KAZN: variants seen among roughly 807,000 people sequenced by gnomAD.
KAZN encodes kazrin, periplakin interacting protein, also known as kazrin.
KAZN carries 40 observed loss-of-function variants against 87.4 expected under a neutral mutation model. The observed-to-expected ratio is 0.46, with a 90% CI of 0.36 to 0.60. KAZN has a LOEUF of 0.60. KAZN is among the 20% of genes least tolerant of loss of function. The pLI is 0.00. For synonymous variants in KAZN, 466 were observed against 458.3 expected (o/e 1.02, Z -0.22); for missense variants, 898 against 1,073.9 (o/e 0.84, Z 2.29).
At chr1:14,133,440 A>G (rs1311282313) in intron 1 of KAZN, among the ~76,000 whole-genome samples, 1 of 149,782 alleles carries the variant, frequency 6.7e-6, no homozygotes. Context: ...AAAGAAAGAA[A>G]ATAGGGGAAT....
In KAZN at chr1:14,910,493, A is replaced by G. The variant is rs566322615; in HGVS notation, c.227-50191A>G. ...TTCTGTGCACCCACTAGATGCCAGG[A>G]GCAGTCCCCACCTCCCCAGTGTGAC... On this transcript the variant is annotated intron_variant, in intron 1 of 14. Transcript: ENST00000376030. Among the ~76,000 whole-genome samples the G allele has an allele frequency of 2.6e-5, 4 of 152,316 alleles. No individual in the cohort carries two copies. In the East Asian group the frequency reaches 7.7e-4, roughly 29 times the overall value.
At chr1:15,073,357 C>T (rs780993102) in intron 8 of KAZN, among the ~76,000 whole-genome samples, 10 of 152,314 alleles carry the variant, frequency 6.6e-5, no homozygotes, top group Non-Finnish European at 1.3e-4. Context: ...GGTGTGGGCT[C>T]AGTCGCAGGA....
At chr1:15,012,548 G>C (rs76702947) in intron 2 of KAZN, among the ~76,000 whole-genome samples, 2 of 152,180 alleles carry the variant, frequency 1.3e-5, no homozygotes, top group African/African-American at 2.4e-5. Context: ...GGCCCTCAAT[G>C]CAGGGCACAG....
intron 1 of KAZN, among the ~76,000 whole-genome samples, chr1:13,967,447 A>G (rs182208646): frequency 1.0e-3 from 155 of 152,314 alleles, no homozygotes; most frequent in South Asian, 3.3e-3. Context: ...TTTGGGAATC[A>G]GTGGTGGCCA....
At chr1:14,865,821 G>A (rs1445920455) in intron 1 of KAZN, among the ~76,000 whole-genome samples, 1 of 152,170 alleles carries the variant, frequency 6.6e-6, no homozygotes, top group Non-Finnish European at 1.5e-5. Flanking sequence ...GTCCTGGTAA[G>A]AAGGCCACGT....
intron 2 of KAZN, among the ~76,000 whole-genome samples, chr1:14,540,390 C>T (rs559256531): frequency 1.3e-5 from 2 of 152,158 alleles, no homozygotes; most frequent in Non-Finnish European, 2.9e-5. Flanking sequence ...GAAACTGAGG[C>T]CCCGCGGGGT....
chr1:14,167,292 T>C (rs7542472), intron 1 of KAZN, among the ~76,000 whole-genome samples: 35,527 of 152,146 alleles, frequency 0.23, 4,399 homozygotes, highest in South Asian at 0.34. Context: ...TGTGTCTTGT[T>C]TTATCCTAGA....
chr1:13,948,422 C>T (rs1327390156), intron 1 of KAZN, among the ~76,000 whole-genome samples: 3 of 152,192 alleles, frequency 2.0e-5, no homozygotes, highest in Non-Finnish European at 2.9e-5. Flanking sequence ...TCTCTCCTGC[C>T]ACCCTATGAA....
At chr1:14,707,990 G>A (rs1642298379) in intron 1 of KAZN, among the ~76,000 whole-genome samples, 1 of 131,542 alleles carries the variant, frequency 7.6e-6, no homozygotes, top group Admixed American at 8.3e-5. Flanking sequence ...GATTAAACCA[G>A]AACGGTAAGA....
intron 2 of KAZN, among the ~76,000 whole-genome samples, chr1:14,533,139 T>G (rs953091369): frequency 6.6e-6 from 1 of 152,192 alleles, no homozygotes; most frequent in African/African-American, 2.4e-5. Flanking sequence ...GCCCAGCACC[T>G]TGAGAGCTTT....
At chr1:14,810,625 G>T (rs906009472) in intron 1 of KAZN, among the ~76,000 whole-genome samples, 1 of 151,984 alleles carries the variant, frequency 6.6e-6, no homozygotes, top group African/African-American at 2.4e-5. Flanking sequence ...GGAAGCTAAG[G>T]CACAGAAAAG....
intron 1 of KAZN, among the ~76,000 whole-genome samples, chr1:14,168,537 C>A (rs554538804): frequency 6.6e-6 from 1 of 152,034 alleles, no homozygotes; most frequent in Non-Finnish European, 1.5e-5. Context: ...AAGGATGTGG[C>A]GGGATTGACA....
Position 14,248,018 on chromosome 1 carries a change from G to T in KAZN, c.249+67426G>T, listed in dbSNP as rs140603427. ...GTGCTTGTTTTTGCAGGTGTAAAAC[G>T]CCACTCTCAATCTATTGTGTTTTCT... is the stretch of plus-strand genomic sequence containing the variant. On this transcript the variant is annotated intron_variant, in intron 2 of 16. Coordinates refer to the KAZN transcript ENST00000636203. Among the ~76,000 whole-genome samples the T allele has an allele frequency of 2.7e-3, 406 of 152,218 alleles. 9 individuals carry two copies. In the East Asian group the frequency reaches 0.058, roughly 22 times the overall value.
chr1:14,266,412 A>G (rs1395102678), intron 2 of KAZN, among the ~76,000 whole-genome samples: 3 of 152,234 alleles, frequency 2.0e-5, no homozygotes, highest in South Asian at 2.1e-4. Flanking sequence ...TTGATGATGT[A>G]TATGGAAACT....
intron 1 of KAZN, among the ~76,000 whole-genome samples, chr1:14,129,209 A>G (rs1247313468): frequency 1.3e-5 from 2 of 152,162 alleles, no homozygotes; most frequent in Non-Finnish European, 2.9e-5. Flanking sequence ...CTTTGTGCCT[A>G]GAGAGGAAGG....
rs538413900 is a variant in KAZN, at chr1:14,381,023, TTCCC to T, written c.249+200436_249+200439del. Among the ~76,000 whole-genome samples the T allele has an allele frequency of 7.9e-5, 12 of 152,322 alleles. No individual in the cohort carries two copies. The East Asian group carries it at 2.1e-3, about 27-fold the overall frequency. Reference sequence around the variant, plus strand: ...TCTGGCAACATAGTCCTTCCCATTCTTCCCTCCCCTTCTGAGGCAGAGGAGTCTC... The same window carrying T: ...TCTGGCAACATAGTCCTTCCCATTCTTCCCCTTCTGAGGCAGAGGAGTCTC... On this transcript the variant is annotated intron_variant, in intron 2 of 16. Transcript: ENST00000636203.
chr1:13,985,620 A>G (rs538544917), intron 1 of KAZN, among the ~76,000 whole-genome samples: 1 of 151,492 alleles, frequency 6.6e-6, no homozygotes, highest in African/African-American at 2.4e-5. Flanking sequence ...GACGAATTTT[A>G]GGATATTTTT....
chr1:14,114,901 T>A (rs1306422904), intron 1 of KAZN, among the ~76,000 whole-genome samples: 1 of 152,218 alleles, frequency 6.6e-6, no homozygotes, highest in Non-Finnish European at 1.5e-5. Flanking sequence ...AGGGTACATT[T>A]TCCCAGAGAG....
intron 2 of KAZN, among the ~76,000 whole-genome samples, chr1:14,585,932 C>T (rs975517528): frequency 6.6e-6 from 1 of 152,204 alleles, no homozygotes. Flanking sequence ...CAGAACTGCA[C>T]ACGCCATCTC....
Sources: allele counts gnomAD v4.1 joint callset (sites outside exome capture counted in the v4.1 genomes callset), GRCh38; gene constraint gnomAD v4.1.1; transcripts MANE v1.5; gene names NCBI Gene and HGNC (gene_info 2026-07-23, HGNC 2026-07-21).